The following PHF10 variants were observed in gnomAD, a reference collection of about 807,000 sequenced individuals.
The protein encoded by PHF10 is BRG1-associated factor 45a.
Under a neutral mutation model 68.5 loss-of-function variants are expected in PHF10, and 51 were observed. The observed-to-expected ratio is 0.74, with a 90% CI of 0.59 to 0.94. The LOEUF is 0.94. Among genes scored for constraint, PHF10 ranks in the 40% least tolerant of loss-of-function variants. The pLI is 0.00. For missense variants in PHF10, 460 were observed against 602.6 expected (o/e 0.76, Z 2.48); for synonymous variants, 204 against 203.5 (o/e 1.00, Z -0.02).
rs1172151303 is a variant in PHF10 at position 169,716,030 on chromosome 6, G to A, written c.468C>T (p.Ala156=). ...VIDLMIKEYP[A]KHAEYSVILQ... is the part of the protein sequence containing the mutation. ...GAATAACAGAATACTCAGCATGTTT[G>A]GCTGGATATTCTTTTATCATTAAAT... The change falls in exon 5 of 12, where the codon GCC becomes GCT. Residue 156 remains alanine (A), a synonymous_variant. Coordinates refer to ENST00000339209, the MANE Select transcript of PHF10 (RefSeq NM_018288.4). 12 of 1,608,754 alleles carry A rather than the reference G, an allele frequency of 7.5e-6. No homozygotes were observed. The highest frequency in any genetic ancestry group is 1.0e-5 in the Non-Finnish European group (12 of 1,176,020).
At chr6:169,714,164 T>C (rs1157681833) in intron 7 of PHF10, among the ~76,000 whole-genome samples, 1 of 152,084 alleles carries the variant, frequency 6.6e-6, no homozygotes, top group African/African-American at 2.4e-5. Context: ...TCAGTTACAT[T>C]TAATTTGGGA....
At chr6:169,719,810 G>A (rs1386313350) in intron 2 of PHF10, among the ~76,000 whole-genome samples, 2 of 151,654 alleles carry the variant, frequency 1.3e-5, no homozygotes, top group Non-Finnish European at 2.9e-5. Flanking sequence ...AGCAACAAAA[G>A]AAAAAATAGA....
intron 1 of PHF10, 45 bp from the exon 2 acceptor site, chr6:169,721,156 A>C (rs1789167981): frequency 9.4e-7 from 1 of 1,061,764 alleles, no homozygotes; most frequent in African/African-American, 1.6e-5. Context: ...AGAAAGAATA[A>C]AAGAACAGTA....
intron 9 of PHF10, 124 bp downstream of exon 9, chr6:169,710,112 A>G (rs1788892743): frequency 1.6e-6 from 1 of 641,948 alleles, no homozygotes; most frequent in East Asian, 2.9e-5. Flanking sequence ...CAAAGGGCAC[A>G]CCATAGAAGA....
intron 4 of PHF10, among the ~76,000 whole-genome samples, chr6:169,716,452 T>A (rs1465180112): frequency 6.6e-6 from 1 of 151,738 alleles, no homozygotes; most frequent in Non-Finnish European, 1.5e-5. Flanking sequence ...AAATTCAACA[T>A]ATTATAGTTC....
rs769793084 is a variant in PHF10 at position 169,703,962 on chromosome 6, T to C, written c.*41A>G. 2 of 1,415,862 alleles carry C rather than the reference T, an allele frequency of 1.4e-6. No homozygotes were observed. The highest frequency in any genetic ancestry group is 1.4e-5 in the South Asian group (1 of 72,524). 87.7% of individuals were successfully genotyped at this position (1,415,862 alleles called of 1,614,324 possible). A position where few individuals can be genotyped will look rare whatever the true frequency, so the allele number is the denominator to read the frequency against. The stretch of plus-strand genomic sequence containing the variant: ...TAATGTTGTAAATGGCACCAAATAT[T>C]CCACTTAAATGCATATACAGTATTA... On this transcript the variant is annotated 3_prime_UTR_variant, in exon 12 of 12. Coordinates refer to ENST00000339209, the MANE Select transcript of PHF10 (RefSeq NM_018288.4).
chr6:169,713,397 G>A (rs77273105), intron 7 of PHF10, among the ~76,000 whole-genome samples: 8,073 of 152,054 alleles, frequency 0.053, 314 homozygotes, highest in East Asian at 0.095. Flanking sequence ...TCAGGAGTTC[G>A]AGACCAGCCT....
chr6:169,722,608 T>C (rs139649316), intron 1 of PHF10, among the ~76,000 whole-genome samples: 43 of 152,350 alleles, frequency 2.8e-4, no homozygotes, highest in African/African-American at 9.6e-4. Context: ...TTATATAAAG[T>C]GAGCATCTGG....
chr6:169,721,138 A>G lies in PHF10; in HGVS notation c.88-27T>C, dbSNP rs1043708951. 3 of 1,207,404 alleles carry G rather than the reference A, an allele frequency of 2.5e-6. No homozygotes were observed. The African/African-American group carries it at 4.5e-5, about 18-fold the overall frequency. 74.8% of individuals were successfully genotyped at this position (1,207,404 alleles called of 1,614,324 possible). A position where few individuals can be genotyped will look rare whatever the true frequency, so the allele number is the denominator to read the frequency against. ...TATACATTTAAAAGATTCAAAAATA[A>G]TAATTAGAGAAAGAATAAAAGAACA... On this transcript the variant is annotated intron_variant, in intron 1 of 11. Transcript: ENST00000339209.
chr6:169,722,802 C>T (rs979150598), intron 1 of PHF10, among the ~76,000 whole-genome samples: 1 of 152,190 alleles, frequency 6.6e-6, no homozygotes, highest in Non-Finnish European at 1.5e-5. Context: ...AACTACAGAT[C>T]AGATGAATTT....
intron 7 of PHF10, 67 bp from the exon 8 acceptor site, chr6:169,712,606 C>G (rs1788950283): frequency 7.3e-7 from 1 of 1,372,380 alleles, no homozygotes. Flanking sequence ...CATCTTTGAC[C>G]TATGAAGATA....
Position 169,721,000 on chromosome 6 carries a change from A to T in PHF10, c.194+5T>A. 6.8e-7 allele frequency: 1 copy of T among 1,471,810 alleles called. No individual in the cohort carries two copies. The highest frequency in any genetic ancestry group is 9.3e-7 in the Non-Finnish European group (1 of 1,077,190). 91.2% of individuals were successfully genotyped at this position (1,471,810 alleles called of 1,614,324 possible). A position where few individuals can be genotyped will look rare whatever the true frequency, so the allele number is the denominator to read the frequency against. The stretch of plus-strand genomic sequence containing the variant: ...AAATATTAATAACCGATAAAATGAC[A>T]GTACCCAAGATCTTGACTTGAAGTT... On this transcript the variant is annotated splice_donor_5th_base_variant and intron_variant, in intron 2 of 11. Transcript: ENST00000339209.
chr6:169,721,305 A>G (rs953236774), intron 1 of PHF10, among the ~76,000 whole-genome samples, 194 bp from the exon 2 acceptor site: 1 of 152,218 alleles, frequency 6.6e-6, no homozygotes, highest in Non-Finnish European at 1.5e-5. Flanking sequence ...TCCAATCCAA[A>G]TAAGAACATT....
At chr6:169,704,210 G>C in intron 11 of PHF10, 122 bp from the exon 12 acceptor site, 1 of 662,366 alleles carries the variant, frequency 1.5e-6, no homozygotes, top group Non-Finnish European at 2.4e-6. Context: ...TTTGTGGTGA[G>C]AAGGGCACTA....
At chr6:169,712,240 A>G in intron 8 of PHF10, 146 bp downstream of exon 8, 2 of 755,364 alleles carry the variant, frequency 2.6e-6, no homozygotes, top group East Asian at 2.6e-5. Flanking sequence ...TTATCAAAAC[A>G]TACTATAAGT....
At chr6:169,718,125 G>A (rs528273118) in intron 3 of PHF10, among the ~76,000 whole-genome samples, 3 of 152,212 alleles carry the variant, frequency 2.0e-5, no homozygotes, top group African/African-American at 7.2e-5. Context: ...AAAGCAAGAA[G>A]GTCATATAAA....
chr6:169,717,391 C>A (rs966957128), intron 4 of PHF10, among the ~76,000 whole-genome samples: 1 of 152,180 alleles, frequency 6.6e-6, no homozygotes, highest in African/African-American at 2.4e-5. Flanking sequence ...TCTAGCCTAC[C>A]AAACATCTTT....
chr6:169,714,944 C>G, intron 6 of PHF10, 102 bp from the exon 7 acceptor site: 2 of 694,486 alleles, frequency 2.9e-6, no homozygotes, highest in Non-Finnish European at 2.6e-6. Context: ...ACTTCCCCCT[C>G]GAAAAGCTAA....
rs1585294666 is a variant in PHF10 at position 169,704,285 on chromosome 6, A to G, written c.1412-197T>C. Reference sequence around the variant, plus strand: ...ATGTAATCAATGCCATGCAAAATTCATTGCAAGTCAAGGGGGATGGGAGAG... The same window carrying G: ...ATGTAATCAATGCCATGCAAAATTCGTTGCAAGTCAAGGGGGATGGGAGAG... On this transcript the variant is annotated intron_variant, in intron 11 of 11. Transcript: ENST00000339209. 7.8e-6 allele frequency: 4 copies of G among 513,896 alleles called. No individual in the cohort carries two copies. In the East Asian group the frequency reaches 1.4e-4, roughly 18 times the overall value. The allele number at this position is 513,896 out of a possible 1,614,324, so 31.8% of individuals were successfully genotyped here. A position where few individuals can be genotyped will look rare whatever the true frequency, so the allele number is the denominator to read the frequency against.
Sources: gnomAD v4.1 joint callset for allele counts (sites outside exome capture counted in the v4.1 genomes callset) on GRCh38, gnomAD v4.1.1 for gene constraint, MANE v1.5 for transcripts, NCBI Gene and HGNC (gene_info 2026-07-23, HGNC 2026-07-21) for gene names.